Variants in MACC1 observed in about 807,000 individuals in gnomAD.
MACC1 encodes the protein metastasis-associated in colon cancer protein 1.
MACC1 carries 79 observed loss-of-function variants against 70.7 expected under a neutral mutation model. The ratio of observed to expected loss-of-function variants is 1.12; its 90% CI spans 0.93 to 1.35. The LOEUF (loss-of-function observed/expected upper bound fraction) is 1.35. Ranked by LOEUF, MACC1 falls within the 40% of genes most tolerant of loss-of-function variation. The pLI, the probability that MACC1 is intolerant of heterozygous loss-of-function variation, is 0.00. For missense variants in MACC1, 1,106 were observed against 978.1 expected, an observed-to-expected ratio of 1.13 and a Z score of -1.74; for synonymous variants, 361 against 347.2, an observed-to-expected ratio of 1.04 and a Z score of -0.44.
At chr7:20,188,399 C>T (rs1246326988) in intron 1 of MACC1, among the ~76,000 whole-genome samples, 1 of 152,206 alleles carries the variant, frequency 6.6e-6, no homozygotes, top group African/African-American at 2.4e-5. Context: ...TCCATTCCTG[C>T]TCATCGACTC....
chr7:20,191,799 C>G (rs1292761790), intron 1 of MACC1, among the ~76,000 whole-genome samples: 1 of 152,136 alleles, frequency 6.6e-6, no homozygotes, highest in Admixed American at 6.5e-5. Flanking sequence ...TATCAGAAAC[C>G]TACAACACAT....
intron 6 of MACC1, chr7:20,153,654 C>A (rs1463698930): frequency 1.3e-5 from 2 of 152,320 alleles, no homozygotes; most frequent in Admixed American, 6.5e-5. Flanking sequence ...CATTCTGCAA[C>A]TGATGCCTGT....
intron 1 of MACC1, among the ~76,000 whole-genome samples, chr7:20,173,633 C>T (rs1782346056): frequency 6.6e-6 from 1 of 152,184 alleles, no homozygotes; most frequent in African/African-American, 2.4e-5. Context: ...ACCTCAGCCA[C>T]TCATAAAATT....
At chr7:20,205,065 T>C in intron 1 of MACC1, among the ~76,000 whole-genome samples, 1 of 151,430 alleles carries the variant, frequency 6.6e-6, no homozygotes, top group East Asian at 1.9e-4. Flanking sequence ...ATTCATACTT[T>C]ATTGGATATT....
intron 1 of MACC1, among the ~76,000 whole-genome samples, chr7:20,185,315 T>C (rs1782569385): frequency 6.6e-6 from 1 of 152,184 alleles, no homozygotes; most frequent in African/African-American, 2.4e-5. Context: ...TATCTTCCGG[T>C]ATTCAAACAA....
intron 1 of MACC1, among the ~76,000 whole-genome samples, chr7:20,191,330 C>T (rs1161954475): frequency 2.0e-5 from 3 of 152,272 alleles, no homozygotes; most frequent in African/African-American, 7.2e-5. Flanking sequence ...TCAGGAGGTC[C>T]TGGAAACACA....
chr7:20,195,136 C>T (rs935126686), intron 1 of MACC1, among the ~76,000 whole-genome samples: 30 of 151,330 alleles, frequency 2.0e-4, no homozygotes, highest in Non-Finnish European at 2.9e-4. Flanking sequence ...TAAGTTTTAC[C>T]TTGATTATCA....
intron 1 of MACC1, among the ~76,000 whole-genome samples, chr7:20,206,995 A>G (rs1782922493): frequency 1.3e-5 from 2 of 152,174 alleles, no homozygotes; most frequent in East Asian, 1.9e-4. Context: ...TCTTTTGTGC[A>G]GGCTTTATTA....
chr7:20,147,477 G>C (rs1479653833), intron 6 of MACC1: 1 of 152,192 alleles, frequency 6.6e-6, no homozygotes. Context: ...TTAAGGCAAG[G>C]TTGCCTTCTT....
intron 1 of MACC1, among the ~76,000 whole-genome samples, chr7:20,180,171 A>G (rs3114462): frequency 0.52 from 78,869 of 152,028 alleles, 23,090 homozygotes; most frequent in East Asian, 0.9. Context: ...ATGGCCAGGC[A>G]TGGTGTCTCA....
At chr7:20,161,892 A>C in intron 3 of MACC1, 22 bp from the exon 4 acceptor site, 2 of 1,420,982 alleles carry the variant, frequency 1.4e-6, no homozygotes, top group Non-Finnish European at 2.0e-6. Context: ...ATAGATAAGT[A>C]TTTTTTGTAA....
At chr7:20,190,312 A>G (rs1782653682) in intron 1 of MACC1, among the ~76,000 whole-genome samples, 1 of 152,206 alleles carries the variant, frequency 6.6e-6, no homozygotes, top group South Asian at 2.1e-4. Flanking sequence ...GGCAAAATAA[A>G]TGTTTAATTT....
chr7:20,190,446 T>C (rs1472353679), intron 1 of MACC1, among the ~76,000 whole-genome samples: 2 of 152,242 alleles, frequency 1.3e-5, no homozygotes, highest in Non-Finnish European at 2.9e-5. Flanking sequence ...AATCTTGACA[T>C]TAAATGAAAA....
intron 1 of MACC1, among the ~76,000 whole-genome samples, chr7:20,176,772 C>G (rs190603927): frequency 1.6e-4 from 24 of 152,184 alleles, no homozygotes; most frequent in Middle Eastern, 3.4e-3. Flanking sequence ...TTAACACATG[C>G]AACAACTTAG....
chr7:20,178,193 G>T (rs1219035471), intron 1 of MACC1, among the ~76,000 whole-genome samples: 1 of 151,354 alleles, frequency 6.6e-6, no homozygotes, highest in African/African-American at 2.4e-5. Context: ...AACAAAAAAT[G>T]ATCATAAAAA....
At chr7:20,205,578 C>A (rs1782899417) in intron 1 of MACC1, among the ~76,000 whole-genome samples, 1 of 152,040 alleles carries the variant, frequency 6.6e-6, no homozygotes, top group Non-Finnish European at 1.5e-5. Flanking sequence ...AAAATATAAA[C>A]TCATTTGAAA....
At chr7:20,143,326 G>T (rs866575187) in intron 6 of MACC1, among the ~76,000 whole-genome samples, 1 of 152,210 alleles carries the variant, frequency 6.6e-6, no homozygotes, top group Non-Finnish European at 1.5e-5. Flanking sequence ...ATCTACTCAT[G>T]CACTTACGCA....
At chr7:20,214,220 A>G (rs1193331968) in intron 1 of MACC1, among the ~76,000 whole-genome samples, 1 of 152,140 alleles carries the variant, frequency 6.6e-6, no homozygotes, top group African/African-American at 2.4e-5. Context: ...CCGCTGAAGA[A>G]TAAATCCCTT....
intron 6 of MACC1, among the ~76,000 whole-genome samples, chr7:20,147,945 CAT>C (rs1781918363): frequency 6.6e-6 from 1 of 152,192 alleles, no homozygotes; most frequent in Non-Finnish European, 1.5e-5. Context: ...CTGCCAAAAA[CAT>C]ATATTCATGG....
Sources: allele counts gnomAD v4.1 joint callset (sites outside exome capture counted in the v4.1 genomes callset), GRCh38; gene constraint gnomAD v4.1.1; transcripts MANE v1.5; gene names NCBI Gene and HGNC (gene_info 2026-07-23, HGNC 2026-07-21).